The following NCKAP5 variants were observed in gnomAD, a reference collection of about 807,000 sequenced individuals.
NCKAP5 encodes NCK associated protein 5, also known as nck-associated protein 5.
A neutral mutation model predicts 167.0 loss-of-function variants in NCKAP5; 92 were observed. That is an observed-to-expected ratio of 0.55 (90% confidence interval 0.47 to 0.66). NCKAP5 has a LOEUF of 0.66. Among genes scored for constraint, NCKAP5 ranks in the 30% least tolerant of loss-of-function variants. The pLI, the probability that NCKAP5 is intolerant of heterozygous loss-of-function variation, is 0.00. For synonymous variants in NCKAP5, 891 were observed against 877.4 expected (o/e 1.02, Z -0.27); for missense variants, 2,378 against 2,315.0 (o/e 1.03, Z -0.56).
chr2:133,638,139 A>C, the NCKAP5 span, among the ~76,000 whole-genome samples: 1 of 152,224 alleles, frequency 6.6e-6, no homozygotes, highest in Non-Finnish European at 1.5e-5. Context: ...ATATTTTCTG[A>C]CAAAAATTTT....
intron 6 of NCKAP5, among the ~76,000 whole-genome samples, chr2:133,034,051 G>T (rs373694050): frequency 1.3e-5 from 2 of 152,154 alleles, no homozygotes; most frequent in Admixed American, 1.3e-4. Flanking sequence ...ACCCAAAGAA[G>T]ACTACCTTAA....
chr2:133,522,003 A>T (rs1684519672), intron 2 of NCKAP5, among the ~76,000 whole-genome samples: 1 of 151,956 alleles, frequency 6.6e-6, no homozygotes, highest in African/African-American at 2.4e-5. Context: ...TTTCCACCTC[A>T]CCTTGCCCTG....
intron 3 of NCKAP5, among the ~76,000 whole-genome samples, chr2:133,338,441 C>G (rs78133286): frequency 0.016 from 2,404 of 152,278 alleles, 65 homozygotes; most frequent in African/African-American, 0.055. Flanking sequence ...TCATGCACCC[C>G]CATCTTATAG....
At chr2:133,562,787 T>A (rs1688257519) in intron 1 of NCKAP5, among the ~76,000 whole-genome samples, 1 of 152,222 alleles carries the variant, frequency 6.6e-6, no homozygotes, top group Non-Finnish European at 1.5e-5. Flanking sequence ...TTAATTTATG[T>A]AACTACGGGG....
chr2:133,416,247 G>A (rs1343407315), intron 3 of NCKAP5, among the ~76,000 whole-genome samples: 1 of 152,086 alleles, frequency 6.6e-6, no homozygotes, highest in Non-Finnish European at 1.5e-5. Context: ...TAAAACTAGT[G>A]GAAATTCCAC....
chr2:132,833,744 C>A (rs934483826), intron 11 of NCKAP5, among the ~76,000 whole-genome samples: 2 of 152,146 alleles, frequency 1.3e-5, no homozygotes, highest in African/African-American at 4.8e-5. Context: ...CAATACCATG[C>A]CATTTTGATT....
intron 6 of NCKAP5, among the ~76,000 whole-genome samples, chr2:133,034,404 G>A (rs2078976213): frequency 6.6e-6 from 1 of 152,024 alleles, no homozygotes; most frequent in African/African-American, 2.4e-5. Context: ...ACACTAATGA[G>A]CAATAAATAG....
At chr2:133,197,465 AG>A (rs1286119156) in intron 5 of NCKAP5, among the ~76,000 whole-genome samples, 4 of 152,320 alleles carry the variant, frequency 2.6e-5, no homozygotes, top group East Asian at 3.9e-4. Flanking sequence ...AGCAAGACAA[AG>A]AATACCATAA....
intron 7 of NCKAP5, among the ~76,000 whole-genome samples, chr2:132,985,565 G>T (rs865872678): frequency 6.6e-5 from 10 of 152,296 alleles, no homozygotes; most frequent in Admixed American, 5.2e-4. Context: ...TTGTTTGAAA[G>T]ACATTATTTT....
At chr2:133,240,969 C>T (rs887069796) in intron 4 of NCKAP5, among the ~76,000 whole-genome samples, 1 of 152,192 alleles carries the variant, frequency 6.6e-6, no homozygotes, top group African/African-American at 2.4e-5. Flanking sequence ...TGCTAAAATT[C>T]TGTATATCTA....
chr2:132,923,671 G>A (rs956195756), intron 8 of NCKAP5, among the ~76,000 whole-genome samples: 2 of 152,012 alleles, frequency 1.3e-5, no homozygotes, highest in African/African-American at 4.8e-5. Context: ...TGGACGCTAA[G>A]GATTAAATGA....
chr2:133,129,262 C>T (rs1448859630), intron 6 of NCKAP5, among the ~76,000 whole-genome samples: 3 of 151,120 alleles, frequency 2.0e-5, no homozygotes, highest in Non-Finnish European at 4.4e-5. Context: ...CACCCCACAA[C>T]AGTCCCCGGA....
Position 133,081,286 on chromosome 2 carries a change from T to C in NCKAP5, c.341+48692A>G, listed in dbSNP as rs138662922. On this transcript the variant is annotated intron_variant, in intron 6 of 19. Transcript: ENST00000409261. ...CTGATTCTAATTAGAGTTCTATTTCTTCAAAAACTTGAATGCTGATGTAAA... is the reference window on the plus strand; with the variant it reads ...CTGATTCTAATTAGAGTTCTATTTCCTCAAAAACTTGAATGCTGATGTAAA... 3.4e-3 allele frequency among the ~76,000 whole-genome samples: 515 copies of C among 152,282 alleles called. 4 individuals are homozygous for C. The highest frequency in any genetic ancestry group is 0.012 in the African/African-American group (489 of 41,566).
chr2:133,420,537 T>TG (rs1490794886), intron 3 of NCKAP5, among the ~76,000 whole-genome samples: 2 of 152,224 alleles, frequency 1.3e-5, no homozygotes, highest in East Asian at 3.8e-4. Context: ...ATTGTGGTGA[T>TG]GGGTGCACAA....
At chr2:133,049,134 T>G (rs1268859657) in intron 6 of NCKAP5, among the ~76,000 whole-genome samples, 1 of 152,216 alleles carries the variant, frequency 6.6e-6, no homozygotes, top group African/African-American at 2.4e-5. Context: ...AAACTAACTA[T>G]TATTTTAACA....
chr2:133,277,123 G>C (rs2089761125), intron 4 of NCKAP5, among the ~76,000 whole-genome samples: 1 of 152,104 alleles, frequency 6.6e-6, no homozygotes, highest in South Asian at 2.1e-4. Flanking sequence ...CATTTGATCA[G>C]GAACAAGGCC....
chr2:132,973,950 A>G lies in NCKAP5; in HGVS notation c.430-10081T>C, dbSNP rs1262501028. Among the ~76,000 whole-genome samples the G allele has an allele frequency of 2.0e-5, 3 of 152,152 alleles. 1 individual carries two copies. The East Asian group carries it at 5.8e-4, about 29-fold the overall frequency. On this transcript the variant is annotated intron_variant, in intron 7 of 19. Transcript: ENST00000409261. The stretch of plus-strand genomic sequence containing the variant: ...AGTAGCTCTTGGTTGCAAGGCCTTA[A>G]AAAAATAAAGACAATTCACTCATCT...
rs144961167 is a variant in NCKAP5, at chr2:132,886,895, G to A, written c.580-7979C>T. On this transcript the variant is annotated intron_variant, in intron 8 of 19. Transcript: ENST00000409261. ...TGTGCAATAGAGTCTTTTAGATTTT[G>A]GATTTTCAGATTAGGAATGCTGAAC... is the stretch of plus-strand genomic sequence containing the variant. 1.4e-3 allele frequency among the ~76,000 whole-genome samples: 216 copies of A among 152,186 alleles called. 1 individual carries two copies. In the South Asian group the frequency reaches 0.017, roughly 12 times the overall value.
At chr2:133,259,647 A>G (rs2088805176) in intron 4 of NCKAP5, among the ~76,000 whole-genome samples, 1 of 152,224 alleles carries the variant, frequency 6.6e-6, no homozygotes, top group African/African-American at 2.4e-5. Context: ...GTTGAACAAG[A>G]AACCACAGAT....
Sources: gnomAD v4.1 joint callset for allele counts (sites outside exome capture counted in the v4.1 genomes callset) on GRCh38, gnomAD v4.1.1 for gene constraint, MANE v1.5 for transcripts, NCBI Gene and HGNC (gene_info 2026-07-23, HGNC 2026-07-21) for gene names.